Variants in SHROOM3 observed in about 807,000 individuals in gnomAD.
The protein encoded by SHROOM3 is protein Shroom3.
In SHROOM3, 47 loss-of-function variants were observed where a neutral mutation model predicts 138.6. The observed-to-expected ratio is 0.34, with a 90% confidence interval of 0.27 to 0.43. The LOEUF is 0.43. Ranked by LOEUF, SHROOM3 falls within the 20% of genes least tolerant of loss-of-function variation. The pLI is 1.00. For synonymous variants in SHROOM3, 1,062 were observed against 1,063.3 expected (o/e 1.00, Z 0.02); for missense variants, 2,491 against 2,596.5 (o/e 0.96, Z 0.88).
intron 4 of SHROOM3, among the ~76,000 whole-genome samples, chr4:76,737,793 A>G (rs1243534904): frequency 1.3e-5 from 2 of 152,068 alleles, no homozygotes; most frequent in Non-Finnish European, 2.9e-5. Flanking sequence ...CACCATCTGT[A>G]TATCTTCTTA....
At chr4:76,596,731 A>ATT in intron 2 of SHROOM3, among the ~76,000 whole-genome samples, 1 of 151,934 alleles carries the variant, frequency 6.6e-6, no homozygotes, top group East Asian at 1.9e-4. Context: ...TTTTTGCTTG[A>ATT]TTTTCTCTGT....
At chr4:76,699,004 C>G (rs1190906464) in intron 2 of SHROOM3, among the ~76,000 whole-genome samples, 1 of 152,190 alleles carries the variant, frequency 6.6e-6, no homozygotes, top group African/African-American at 2.4e-5. Context: ...ATCCTGTCAC[C>G]CTCCCCATGG....
At chr4:76,673,730 T>C (rs1052902441) in intron 2 of SHROOM3, among the ~76,000 whole-genome samples, 1 of 152,244 alleles carries the variant, frequency 6.6e-6, no homozygotes, top group Non-Finnish European at 1.5e-5. Flanking sequence ...TCACCACTTA[T>C]AAGCGTGCAA....
intron 6 of SHROOM3, among the ~76,000 whole-genome samples, chr4:76,752,015 C>T (rs550574902): frequency 1.3e-5 from 2 of 152,326 alleles, no homozygotes; most frequent in South Asian, 4.1e-4. Flanking sequence ...CACCCATGTT[C>T]ATAGCAGCTG....
intron 1 of SHROOM3, among the ~76,000 whole-genome samples, chr4:76,465,363 T>C (rs1318729634): frequency 6.6e-6 from 1 of 152,214 alleles, no homozygotes; most frequent in Admixed American, 6.5e-5. Context: ...GCAGTGTTTA[T>C]GCCAAGGCCA....
intron 1 of SHROOM3, among the ~76,000 whole-genome samples, chr4:76,453,926 T>C (rs1341003484): frequency 6.6e-6 from 1 of 152,248 alleles, no homozygotes; most frequent in Non-Finnish European, 1.5e-5. Context: ...CTTTTGATGT[T>C]AGATTCGAGA....
rs200868973 is a variant in SHROOM3 at position 76,773,086 on chromosome 4, G to GT, written c.5622+2189dup. Among the ~76,000 whole-genome samples the GT allele has an allele frequency of 5.7e-3, 868 of 152,202 alleles. 9 individuals are homozygous for GT. The highest frequency in any genetic ancestry group is 0.02 in the African/African-American group (835 of 41,534). On this transcript the variant is annotated intron_variant, in intron 10 of 10. Transcript: ENST00000296043. ...TTGCTTGGTTTTGTTTTTAAAAATA[G>GT]TGAGCTAAGGCTGGGTGCAGTGGCT...
At chr4:76,642,804 G>T (rs772344106) in intron 2 of SHROOM3, among the ~76,000 whole-genome samples, 2 of 152,190 alleles carry the variant, frequency 1.3e-5, no homozygotes, top group East Asian at 1.9e-4. Context: ...TGATCTGGGT[G>T]GGGGAGGAGG....
At chr4:76,687,099 T>A (rs1719364207) in intron 2 of SHROOM3, among the ~76,000 whole-genome samples, 1 of 152,226 alleles carries the variant, frequency 6.6e-6, no homozygotes, top group African/African-American at 2.4e-5. Flanking sequence ...TTTTGAAAAG[T>A]GTAAATTTTA....
intron 2 of SHROOM3, among the ~76,000 whole-genome samples, chr4:76,568,916 T>G (rs1328873746): frequency 6.6e-6 from 1 of 152,220 alleles, no homozygotes; most frequent in African/African-American, 2.4e-5. Flanking sequence ...CTCTCACTTT[T>G]TTATCTGGGA....
intron 3 of SHROOM3, among the ~76,000 whole-genome samples, chr4:76,727,331 G>C (rs1720737682): frequency 6.6e-6 from 1 of 152,180 alleles, no homozygotes; most frequent in South Asian, 2.1e-4. Flanking sequence ...CTTACTCCCA[G>C]ACTTACTAGC....
At chr4:76,586,498 C>A in intron 2 of SHROOM3, 1 of 979,352 alleles carries the variant, frequency 1.0e-6, no homozygotes, top group Non-Finnish European at 1.2e-6. Context: ...AACGATTTCT[C>A]GATGACATTA....
At chr4:76,485,583 G>A (rs1404218802) in intron 1 of SHROOM3, among the ~76,000 whole-genome samples, 1 of 152,134 alleles carries the variant, frequency 6.6e-6, no homozygotes, top group African/African-American at 2.4e-5. Context: ...GTTAGCTTTG[G>A]CCAGGTGATC....
intron 1 of SHROOM3, among the ~76,000 whole-genome samples, chr4:76,498,355 A>AGAGG (rs1354869620): frequency 6.6e-6 from 1 of 152,108 alleles, no homozygotes; most frequent in Non-Finnish European, 1.5e-5. Context: ...ATTAACAGAG[A>AGAGG]GAGGGAGGGA....
In SHROOM3 at chr4:76,735,855, AAAAAAAAAAAAAAATATATATATATATAT is replaced by A. The variant is rs1175457969; in HGVS notation, c.588-2904_588-2876del. ...ACTCTATCTTAAAAAAAAAAAAAAA[AAAAAAAAAAAAAAATATATATATATATAT>A]ATATATATATATATATATATTTTAG... On this transcript the variant is annotated intron_variant, in intron 4 of 10. Transcript: ENST00000296043. Among the ~76,000 whole-genome samples the A allele has an allele frequency of 2.3e-3, 110 of 47,946 alleles. 1 individual carries two copies. The highest frequency in any genetic ancestry group is 6.3e-3 in the African/African-American group (87 of 13,730). 31.5% of individuals were successfully genotyped at this position (47,946 alleles called of 152,430 possible). A position where few individuals can be genotyped will look rare whatever the true frequency, so the allele number is the denominator to read the frequency against.
chr4:76,521,556 A>C (rs981488017), intron 1 of SHROOM3, among the ~76,000 whole-genome samples: 1 of 152,236 alleles, frequency 6.6e-6, no homozygotes, highest in Non-Finnish European at 1.5e-5. Context: ...CATTCTATGC[A>C]AGCCAATACC....
At chr4:76,734,838 A>T (rs201033953) in intron 4 of SHROOM3, among the ~76,000 whole-genome samples, 4 of 118,040 alleles carry the variant, frequency 3.4e-5, no homozygotes, top group Admixed American at 2.8e-4. Context: ...GATATGATAT[A>T]ATGTCAAGTA....
In SHROOM3 at chr4:76,779,198, C is replaced by G; in HGVS notation, c.*21C>G. The G allele has an allele frequency of 6.3e-7, 1 of 1,579,286 alleles. No homozygotes were observed. Among genetic ancestry groups the G allele is most frequent in the South Asian group, 1.2e-5 (1 of 85,390 alleles). ...TTTAACCTCTTCTAAAATACCCAAC[C>G]AAAAGATCACTGTTTCTCTCAACAC... On this transcript the variant is annotated 3_prime_UTR_variant, in exon 11 of 11. Transcript: ENST00000296043.
At chr4:76,520,877 A>G (rs1732549547) in intron 1 of SHROOM3, among the ~76,000 whole-genome samples, 2 of 152,244 alleles carry the variant, frequency 1.3e-5, no homozygotes, top group Admixed American at 6.5e-5. Context: ...CAAGCCAATC[A>G]GATCAATCAC....
Sources: gnomAD v4.1 joint callset for allele counts (sites outside exome capture counted in the v4.1 genomes callset) on GRCh38, gnomAD v4.1.1 for gene constraint, MANE v1.5 for transcripts, NCBI Gene and HGNC (gene_info 2026-07-23, HGNC 2026-07-21) for gene names.